Variants in ZFYVE28 observed in about 807,000 individuals in gnomAD.
ZFYVE28 encodes zinc finger FYVE-type containing 28.
Under a neutral mutation model 82.1 loss-of-function variants are expected in ZFYVE28, and 40 were observed. The ratio of observed to expected loss-of-function variants is 0.49; its 90% confidence interval spans 0.38 to 0.63. ZFYVE28 has a LOEUF of 0.63. Among genes scored for constraint, ZFYVE28 ranks in the 30% least tolerant of loss-of-function variants. ZFYVE28 has a pLI of 0.00. For synonymous variants in ZFYVE28, 612 were observed against 546.1 expected (o/e 1.12, Z -1.68); for missense variants, 1,321 against 1,242.1 (o/e 1.06, Z -0.96).
In ZFYVE28 at chr4:2,305,415, C is replaced by T; in HGVS notation, c.925G>A (p.Ala309Thr). The change falls in exon 8 of 13, where the codon GCC becomes ACC. Residue 309 changes from alanine to threonine, a missense_variant. Coordinates refer to ENST00000290974, the MANE Select transcript of ZFYVE28 (RefSeq NM_020972.3). ...TCAGGGGGGAGAGGGGCAGAGAGGG[C>T]AGGCGCCAGGGCAGCGGGTCCCTGC... ...DVQGPAALAP[A>T]LSAPLPPEGP... 6.2e-7 allele frequency: 1 copy of T among 1,612,688 alleles called. No homozygotes were observed.
chr4:2,301,984 G>A (rs901968420), intron 8 of ZFYVE28, among the ~76,000 whole-genome samples: 1 of 152,204 alleles, frequency 6.6e-6, no homozygotes, highest in Non-Finnish European at 1.5e-5. Flanking sequence ...ACTTGGGCCC[G>A]AGTGCACGCC....
intron 1 of ZFYVE28, among the ~76,000 whole-genome samples, chr4:2,373,414 GCTTGAGCC>G (rs1476176226): frequency 6.6e-6 from 1 of 152,066 alleles, no homozygotes; most frequent in African/African-American, 2.4e-5. Flanking sequence ...TGGGAAGACT[GCTTGAGCC>G]CCAGAGGTTA....
chr4:2,387,632 G>A (rs1027783989), intron 1 of ZFYVE28, among the ~76,000 whole-genome samples: 2 of 152,222 alleles, frequency 1.3e-5, no homozygotes, highest in African/African-American at 2.4e-5. Context: ...AGCACACCCA[G>A]ATCTCAGGGA....
chr4:2,308,334 C>T (rs181790189), intron 7 of ZFYVE28, among the ~76,000 whole-genome samples: 78 of 152,008 alleles, frequency 5.1e-4, no homozygotes, highest in African/African-American at 1.8e-3. Flanking sequence ...TACATATGTT[C>T]ACCTGGAGAC....
rs1887365 is a variant in ZFYVE28 at position 2,320,461 on chromosome 4, G to C, written c.702-190C>G. Among the ~76,000 whole-genome samples, 19,568 of 152,260 alleles carry C rather than the reference G, an allele frequency of 0.13. 1,551 individuals are homozygous for C. The highest frequency in any genetic ancestry group is 0.17 in the Non-Finnish European group (11,383 of 68,008). On this transcript the variant is annotated intron_variant, in intron 6 of 12. Coordinates refer to ENST00000290974, the MANE Select transcript of ZFYVE28 (RefSeq NM_020972.3). This position sits in a 1 kb window ranked among gnomAD's most constrained non-coding sequence, Gnocchi z 5.1. Reference sequence around the variant, plus strand: ...AAATAAGTTTAGAAAAAAGCAGTGAGAATTATTACCCAGACTTCATCCTCT... The same window carrying C: ...AAATAAGTTTAGAAAAAAGCAGTGACAATTATTACCCAGACTTCATCCTCT...
At chr4:2,358,094 G>A (rs184414490) in intron 1 of ZFYVE28, among the ~76,000 whole-genome samples, 73 of 152,206 alleles carry the variant, frequency 4.8e-4, no homozygotes, top group African/African-American at 1.4e-3. Context: ...ATGTCCCCTC[G>A]GCTCACTCAC....
In ZFYVE28 at chr4:2,305,302, G is replaced by T; in HGVS notation, c.1038C>A (p.Ser346Arg). ...QYDDQELEQLSRMVHRAGDEM... is the reference protein window; with the variant it reads ...QYDDQELEQLRRMVHRAGDEM... ...CGTCCCCCGCCCTGTGGACCATGCG[G>T]CTGAGCTGCTCCAGCTCCTGGTCGT... Residue 346 changes from serine (S) to arginine (R), a missense_variant, in exon 8 of 13, where the codon AGC becomes AGA. Coordinates refer to ENST00000290974, the MANE Select transcript of ZFYVE28 (RefSeq NM_020972.3). The T allele has an allele frequency of 6.2e-7, 1 of 1,613,112 alleles. No individual in the cohort carries two copies. Among genetic ancestry groups the T allele is most frequent in the Non-Finnish European group, 8.5e-7 (1 of 1,179,990 alleles).
At chr4:2,389,752 A>T (rs992565984) in intron 1 of ZFYVE28, among the ~76,000 whole-genome samples, 2 of 152,180 alleles carry the variant, frequency 1.3e-5, no homozygotes, top group Middle Eastern at 3.2e-3. Flanking sequence ...AGCAGCCCCA[A>T]AGCCCCTAAG....
At chr4:2,361,067 T>G (rs1342179352) in intron 1 of ZFYVE28, among the ~76,000 whole-genome samples, 1 of 152,194 alleles carries the variant, frequency 6.6e-6, no homozygotes, top group Non-Finnish European at 1.5e-5. Context: ...AAAGAATAAA[T>G]TAGAACCTAG....
At chr4:2,330,511 G>T in intron 6 of ZFYVE28, 1 of 1,134,184 alleles carries the variant, frequency 8.8e-7, no homozygotes, top group South Asian at 2.0e-5. Context: ...GAGGAGCACA[G>T]GGGAGAGGAC....
intron 7 of ZFYVE28, chr4:2,307,204 T>C (rs1428651580): frequency 6.6e-6 from 1 of 152,272 alleles, no homozygotes; most frequent in Admixed American, 6.5e-5. Context: ...ATTTTCTCTA[T>C]GTAAAGTTCC....
At chr4:2,351,230 G>A (rs560763334) in intron 2 of ZFYVE28, among the ~76,000 whole-genome samples, 1 of 152,298 alleles carries the variant, frequency 6.6e-6, no homozygotes. Flanking sequence ...TGCAGAACCT[G>A]CTGGGGAATG....
In ZFYVE28 at chr4:2,339,562, C is replaced by T. The variant is rs761192658; in HGVS notation, c.412G>A (p.Val138Met). The T allele has an allele frequency of 4.3e-6, 7 of 1,612,962 alleles. No individual in the cohort carries two copies. In the East Asian group the frequency reaches 8.9e-5, roughly 21 times the overall value. Residue 138 changes from valine (V) to methionine (M), a missense_variant, in exon 4 of 13, where the codon GTG (valine) becomes ATG (methionine). Around this residue, in one of 2 missense-constraint regions of ZFYVE28, gnomAD observed 343 missense variants for 408.4 expected, o/e 0.84. Transcript: ENST00000290974. This position sits in a 1 kb window ranked among gnomAD's most constrained non-coding sequence, Gnocchi z 5.0. ...GCCTGGTCACGGAGGGCGCCCCGCACGTCCTCCAGGCTGCGCGTCAGCTCC... is the reference window on the plus strand; with the variant it reads ...GCCTGGTCACGGAGGGCGCCCCGCATGTCCTCCAGGCTGCGCGTCAGCTCC... Reference protein sequence around the residue: ...AKELTRSLEDVRGALRDQALR... With the variant: ...AKELTRSLEDMRGALRDQALR...
chr4:2,349,214 T>C (rs1724000107), intron 2 of ZFYVE28, among the ~76,000 whole-genome samples: 1 of 152,176 alleles, frequency 6.6e-6, no homozygotes, highest in African/African-American at 2.4e-5. Context: ...CAATTGTTTA[T>C]GTGATACCAT....
intron 1 of ZFYVE28, among the ~76,000 whole-genome samples, chr4:2,370,515 A>G (rs1727425657): frequency 6.6e-6 from 1 of 152,056 alleles, no homozygotes; most frequent in African/African-American, 2.4e-5. Context: ...ATTCTGGGAG[A>G]TCTCTTTCGA....
chr4:2,366,969 C>T (rs1205546213), intron 1 of ZFYVE28, among the ~76,000 whole-genome samples: 2 of 152,214 alleles, frequency 1.3e-5, no homozygotes, highest in Admixed American at 6.5e-5. Context: ...TCTAGCAAAG[C>T]GTTTTCAAAG....
intron 2 of ZFYVE28, among the ~76,000 whole-genome samples, chr4:2,348,772 C>T (rs1231115374): frequency 6.6e-6 from 1 of 152,204 alleles, no homozygotes; most frequent in African/African-American, 2.4e-5. Context: ...TTCTTAGCAA[C>T]ATATCTGATC....
intron 1 of ZFYVE28, among the ~76,000 whole-genome samples, chr4:2,376,378 A>AAT (rs1728144181): frequency 7.7e-6 from 1 of 129,286 alleles, no homozygotes; most frequent in African/African-American, 2.8e-5. Context: ...CTCTAAAAAA[A>AAT]AAAAAAAAAA....
intron 8 of ZFYVE28, among the ~76,000 whole-genome samples, chr4:2,274,674 G>A (rs930681376): frequency 6.6e-6 from 1 of 152,176 alleles, no homozygotes; most frequent in Non-Finnish European, 1.5e-5. Context: ...GTCTCAGCAG[G>A]AGCAATTAAG....
Sources: allele counts gnomAD v4.1 joint callset (sites outside exome capture counted in the v4.1 genomes callset), GRCh38; gene constraint gnomAD v4.1.1; regional missense constraint gnomAD v4.1.1; non-coding constraint Gnocchi (gnomAD v3.1); transcripts MANE v1.5; gene names NCBI Gene and HGNC (gene_info 2026-07-23, HGNC 2026-07-21).